RUSC2: variants seen among roughly 807,000 people sequenced by gnomAD.
The protein encoded by RUSC2 is RUN and SH3 domain containing 2, also known as AP-4 complex accessory subunit RUSC2.
Under a neutral mutation model 122.2 loss-of-function variants are expected in RUSC2, and 34 were observed. The ratio of observed to expected loss-of-function variants is 0.28; its 90% CI spans 0.21 to 0.37. The LOEUF is 0.37. RUSC2 is among the 10% of genes least tolerant of loss of function. The pLI is 1.00. For synonymous variants in RUSC2, 784 were observed against 790.0 expected, an observed-to-expected ratio of 0.99 and a Z score of 0.13; for missense variants, 1,747 against 1,952.4, an observed-to-expected ratio of 0.89 and a Z score of 1.98.
intron 1 of RUSC2, among the ~76,000 whole-genome samples, chr9:35,533,695 C>A (rs1821467819): frequency 6.6e-6 from 1 of 152,188 alleles, no homozygotes; most frequent in Non-Finnish European, 1.5e-5. Flanking sequence ...CTTGTCTGGA[C>A]ATATCATGTA....
At chr9:35,554,295 C>A (rs1821961012) in intron 2 of RUSC2, among the ~76,000 whole-genome samples, 1 of 152,158 alleles carries the variant, frequency 6.6e-6, no homozygotes, top group Non-Finnish European at 1.5e-5. Context: ...AGAGGCCCAG[C>A]CTTGGGGAAC....
chr9:35,528,804 G>A (rs1821367279), intron 1 of RUSC2, among the ~76,000 whole-genome samples: 1 of 151,886 alleles, frequency 6.6e-6, no homozygotes, highest in African/African-American at 2.4e-5. Flanking sequence ...AGCTTAAAAG[G>A]GCCGGGCATG....
intron 1 of RUSC2, among the ~76,000 whole-genome samples, chr9:35,542,990 C>T (rs1821671303): frequency 6.6e-6 from 1 of 152,178 alleles, no homozygotes; most frequent in Non-Finnish European, 1.5e-5. Flanking sequence ...TCAGTGATGG[C>T]TGCAACCCAT....
chr9:35,560,353 G>GAGAAGAGGAAGAGGA lies in RUSC2; in HGVS notation c.3723_3737dup (p.Glu1242_Glu1246dup). 1 of 1,612,236 alleles carries GAGAAGAGGAAGAGGA rather than the reference G, an allele frequency of 6.2e-7. No individual in the cohort carries two copies. Among genetic ancestry groups the GAGAAGAGGAAGAGGA allele is most frequent in the Non-Finnish European group, 8.5e-7 (1 of 1,179,052 alleles). On this transcript the variant is annotated inframe_insertion, in exon 10 of 12. Coordinates refer to ENST00000361226, the MANE Select transcript of RUSC2 (RefSeq NM_014806.5). ...AAGGGTGTGGGTGCCTCAGAAGGTG[G>GAGAAGAGGAAGAGGA]AGAAGAGGAAGAGGAAGAAGAGGAG...
At chr9:35,544,307 C>CTTT (rs55870659) in intron 1 of RUSC2, among the ~76,000 whole-genome samples, 5,654 of 113,058 alleles carry the variant, frequency 0.05, 456 homozygotes, top group African/African-American at 0.073. Context: ...GATCATATGT[C>CTTT]TTTTTTTTTT....
At position 35,513,936 on chromosome 9, in the gene RUSC2, ATATTAC is replaced by A. The variant is rs1314417487; in HGVS notation, c.-93+23766_-93+23771del. Among the ~76,000 whole-genome samples the A allele has an allele frequency of 4.4e-5, 6 of 135,006 alleles. No homozygotes were observed. In the South Asian group the frequency reaches 9.7e-4, roughly 22 times the overall value. 88.6% of individuals were successfully genotyped at this position (135,006 alleles called of 152,430 possible). ...TATATATATATATATATATATATAT[ATATTAC>A]TTTATGTGTCTTTATAATGTTATTT... On this transcript the variant is annotated intron_variant, in intron 1 of 11. Transcript: ENST00000361226.
chr9:35,524,896 G>A (rs1335108439), intron 1 of RUSC2, among the ~76,000 whole-genome samples: 12 of 151,954 alleles, frequency 7.9e-5, no homozygotes, highest in South Asian at 2.1e-4. Context: ...GCGTGAACCC[G>A]GGAGGTGGAG....
At chr9:35,502,125 C>T (rs916263101) in intron 1 of RUSC2, among the ~76,000 whole-genome samples, 2 of 152,230 alleles carry the variant, frequency 1.3e-5, no homozygotes, top group South Asian at 2.1e-4. Flanking sequence ...TGATTCAGTA[C>T]ATCTGGCATG....
rs1238478128 is a variant in RUSC2, at chr9:35,547,453, T to G, written c.932T>G (p.Phe311Cys). 1.2e-6 allele frequency: 2 copies of G among 1,614,068 alleles called. No homozygotes were observed. The highest frequency in any genetic ancestry group is 1.7e-5 in the Admixed American group (1 of 60,002). ...CCACAGTCCTGCAGCGACTCTTCCT[T>G]CTGCAGCCACTCAGACCCTGGCGCC... Reference protein sequence around the residue: ...SAPQSCSDSSFCSHSDPGAFY... With the variant: ...SAPQSCSDSSCCSHSDPGAFY... Residue 311 changes from phenylalanine (F) to cysteine (C), a missense_variant, in exon 2 of 12, where the codon TTC becomes TGC. Coordinates refer to ENST00000361226, the MANE Select transcript of RUSC2 (RefSeq NM_014806.5). This position sits in a 1 kb window ranked among gnomAD's most constrained non-coding sequence, Gnocchi z 4.6.
chr9:35,494,280 A>G (rs886231201), intron 1 of RUSC2, among the ~76,000 whole-genome samples: 1 of 152,124 alleles, frequency 6.6e-6, no homozygotes, highest in African/African-American at 2.4e-5. Flanking sequence ...AGCCTGGCCA[A>G]CATGGTAAAA....
intron 1 of RUSC2, among the ~76,000 whole-genome samples, chr9:35,543,573 C>T (rs1323429748): frequency 1.3e-5 from 2 of 152,242 alleles, no homozygotes; most frequent in African/African-American, 4.8e-5. Context: ...TTGCATGTTA[C>T]AGATTTTCTT....
At chr9:35,497,331 G>C (rs575162984) in intron 1 of RUSC2, among the ~76,000 whole-genome samples, 1 of 152,138 alleles carries the variant, frequency 6.6e-6, no homozygotes, top group Non-Finnish European at 1.5e-5. Flanking sequence ...TTACTGATAT[G>C]ACCCCATTTG....
At chr9:35,509,868 C>T (rs1820982292) in intron 1 of RUSC2, among the ~76,000 whole-genome samples, 1 of 152,176 alleles carries the variant, frequency 6.6e-6, no homozygotes, top group Admixed American at 6.6e-5. Context: ...GTATTATCCC[C>T]ATTTTAAAAT....
intron 1 of RUSC2, among the ~76,000 whole-genome samples, chr9:35,544,307 CT>C (rs55870659): frequency 6.2e-4 from 70 of 113,110 alleles, no homozygotes; most frequent in Middle Eastern, 0.012. Flanking sequence ...GATCATATGT[CT>C]TTTTTTTTTT....
chr9:35,509,883 C>G (rs1269506118), intron 1 of RUSC2, among the ~76,000 whole-genome samples: 1 of 152,142 alleles, frequency 6.6e-6, no homozygotes, highest in Non-Finnish European at 1.5e-5. Context: ...TAAAATGAAA[C>G]AGAGGCTGAG....
At chr9:35,499,654 A>G (rs1296741461) in intron 1 of RUSC2, among the ~76,000 whole-genome samples, 1 of 152,200 alleles carries the variant, frequency 6.6e-6, no homozygotes, top group East Asian at 1.9e-4. Flanking sequence ...GGATCCAAAA[A>G]AATCTGTATT....
intron 1 of RUSC2, among the ~76,000 whole-genome samples, chr9:35,522,762 A>G (rs1281371307): frequency 6.6e-6 from 1 of 152,240 alleles, no homozygotes; most frequent in East Asian, 1.9e-4. Flanking sequence ...TGGTTTGAGC[A>G]TTTCTGACCT....
chr9:35,538,140 A>AACCCAGCTGG, intron 1 of RUSC2, among the ~76,000 whole-genome samples: 1 of 152,178 alleles, frequency 6.6e-6, no homozygotes. Context: ...CCTTCACACA[A>AACCCAGCTGG]ACCCAGCTGG....
In RUSC2 at chr9:35,549,333, C is replaced by T. The variant is rs894997764; in HGVS notation, c.2014+798C>T. The T allele has an allele frequency of 1.9e-5, 13 of 671,872 alleles. No individual in the cohort carries two copies. The East Asian group carries it at 4.2e-4, about 22-fold the overall frequency. The allele number at this position is 671,872 out of a possible 1,614,324, so 41.6% of individuals were successfully genotyped here. The stretch of plus-strand genomic sequence containing the variant: ...TTTTTGAGACGGAGTCTTGCTCTTT[C>T]GCCCAGGCTGGAGTGCAGTGGCCTC... On this transcript the variant is annotated intron_variant, in intron 2 of 11. Transcript: ENST00000361226.
Sources: gnomAD v4.1 joint callset for allele counts (sites outside exome capture counted in the v4.1 genomes callset) on GRCh38, gnomAD v4.1.1 for gene constraint, Gnocchi (gnomAD v3.1) non-coding constraint, MANE v1.5 for transcripts, NCBI Gene and HGNC (gene_info 2026-07-23, HGNC 2026-07-21) for gene names.